WDR72: variants seen among roughly 807,000 people sequenced by gnomAD.
The protein encoded by WDR72 is WD repeat domain 72, also known as WD repeat-containing protein 72.
Under a neutral mutation model 124.2 loss-of-function variants are expected in WDR72, and 120 were observed. The ratio of observed to expected loss-of-function variants is 0.97; its 90% CI spans 0.83 to 1.12. The LOEUF is 1.12. Ranked by LOEUF, WDR72 falls within the 50% of genes most tolerant of loss-of-function variation. The probability of loss-of-function intolerance (pLI) is 0.00; values close to 1 mark genes in which losing one functional copy is unlikely to be tolerated. For missense variants in WDR72, 1,387 were observed against 1,278.8 expected, an observed-to-expected ratio of 1.08 and a Z score of -1.29; for synonymous variants, 452 against 441.7, an observed-to-expected ratio of 1.02 and a Z score of -0.29.
intron 17 of WDR72, among the ~76,000 whole-genome samples, chr15:53,606,709 C>A (rs972008512): frequency 1.3e-5 from 2 of 151,986 alleles, no homozygotes; most frequent in Non-Finnish European, 2.9e-5. Context: ...TAAGCAAAGA[C>A]CTAAATGATT....
chr15:53,743,559 T>C lies in WDR72; in HGVS notation c.-12-10398A>G, dbSNP rs186688109. The stretch of plus-strand genomic sequence containing the variant: ...GCGAATGATTTTTAGCCATTCGAAA[T>C]ATAGGAAGTTCATGAATATTTTTAC... On this transcript the variant is annotated intron_variant, in intron 1 of 19. Transcript: ENST00000360509. Among the ~76,000 whole-genome samples, 24 of 152,296 alleles carry C rather than the reference T, an allele frequency of 1.6e-4. 1 individual carries two copies. The highest frequency in any genetic ancestry group is 5.1e-4 in the African/African-American group (21 of 41,570).
intron 1 of WDR72, among the ~76,000 whole-genome samples, chr15:53,759,007 A>AG (rs1212493967): frequency 3.3e-5 from 5 of 151,856 alleles, no homozygotes; most frequent in African/African-American, 4.8e-5. Context: ...CAACCTTACA[A>AG]GGGGCAAAAG....
intron 14 of WDR72, among the ~76,000 whole-genome samples, chr15:53,649,273 CAG>C (rs2015149267): frequency 6.6e-6 from 1 of 152,062 alleles, no homozygotes; most frequent in Non-Finnish European, 1.5e-5. Context: ...GTAGGTGTAC[CAG>C]AGACTGTATG....
At chr15:53,731,380 A>T (rs1382609802) in intron 2 of WDR72, among the ~76,000 whole-genome samples, 5 of 151,744 alleles carry the variant, frequency 3.3e-5, no homozygotes, top group African/African-American at 1.2e-4. Context: ...TTCCCAGCCC[A>T]TATCTCTATC....
chr15:53,530,712 C>T (rs555121739), intron 18 of WDR72, among the ~76,000 whole-genome samples: 15 of 152,130 alleles, frequency 9.9e-5, no homozygotes, highest in Admixed American at 9.2e-4. Context: ...AAAAGAGCAT[C>T]ATGCTAGCAT....
At chr15:53,613,984 T>C (rs1276652871) in intron 15 of WDR72, among the ~76,000 whole-genome samples, 6 of 152,064 alleles carry the variant, frequency 3.9e-5, no homozygotes, top group Non-Finnish European at 8.8e-5. Flanking sequence ...CCTAAAATCT[T>C]AATCCCAATT....
intron 14 of WDR72, among the ~76,000 whole-genome samples, chr15:53,634,934 A>T (rs959348613): frequency 3.9e-5 from 6 of 152,210 alleles, no homozygotes; most frequent in Non-Finnish European, 5.9e-5. Flanking sequence ...TTTTCCTGTC[A>T]GGGAGGTCCA....
chr15:53,719,089 A>G (rs557470341), intron 3 of WDR72, among the ~76,000 whole-genome samples: 1 of 152,070 alleles, frequency 6.6e-6, no homozygotes, highest in African/African-American at 2.4e-5. Context: ...GAAATATATT[A>G]TTTTCTCTTG....
rs79237993 is a variant in WDR72 at position 53,755,252 on chromosome 15, G to T, written c.-13+4381C>A. Among the ~76,000 whole-genome samples the T allele has an allele frequency of 2.1e-3, 318 of 152,308 alleles. 5 individuals carry two copies. The highest frequency in any genetic ancestry group is 4.4e-3 in the East Asian group (23 of 5,190). Reference sequence around the variant, plus strand: ...AATTGGAAATCAAAATGCATATAAAGAAGATACTTTAAATGCTTACATCCC... The same window carrying T: ...AATTGGAAATCAAAATGCATATAAATAAGATACTTTAAATGCTTACATCCC... On this transcript the variant is annotated intron_variant, in intron 1 of 19. Transcript: ENST00000360509.
chr15:53,719,314 G>T (rs778437701), intron 3 of WDR72, among the ~76,000 whole-genome samples: 6 of 151,768 alleles, frequency 4.0e-5, no homozygotes, highest in Non-Finnish European at 7.4e-5. Context: ...TCCTCTGTCT[G>T]CTTCTTAAGT....
chr15:53,597,865 A>G (rs2012852300), intron 17 of WDR72, among the ~76,000 whole-genome samples: 1 of 152,130 alleles, frequency 6.6e-6, no homozygotes, highest in East Asian at 1.9e-4. Context: ...GGCGGGGGGA[A>G]AGGGACACTT....
intron 14 of WDR72, among the ~76,000 whole-genome samples, chr15:53,659,352 G>C (rs2140440617): frequency 1.3e-5 from 2 of 152,198 alleles, no homozygotes; most frequent in Middle Eastern, 3.4e-3. Context: ...CTCCCCACCG[G>C]CACGTGCTGC....
intron 13 of WDR72, among the ~76,000 whole-genome samples, chr15:53,698,292 G>C (rs2017067115): frequency 1.3e-5 from 2 of 152,158 alleles, no homozygotes; most frequent in South Asian, 4.1e-4. Context: ...TATTCTTGCT[G>C]GATTCTATCA....
chr15:53,572,722 G>C (rs1239161560), intron 18 of WDR72, among the ~76,000 whole-genome samples: 1 of 152,182 alleles, frequency 6.6e-6, no homozygotes, highest in Admixed American at 6.6e-5. Flanking sequence ...GAAATGGCGA[G>C]AATTGCAGCC....
chr15:53,677,856 A>G (rs2016230106), intron 13 of WDR72, among the ~76,000 whole-genome samples: 1 of 152,204 alleles, frequency 6.6e-6, no homozygotes, highest in African/African-American at 2.4e-5. Context: ...GCCATTATCT[A>G]CCACTAATTG....
chr15:53,580,665 G>C (rs116785757), intron 18 of WDR72, among the ~76,000 whole-genome samples: 1 of 151,812 alleles, frequency 6.6e-6, no homozygotes, highest in Non-Finnish European at 1.5e-5. Context: ...CTTGAGCCTT[G>C]AAACAGGCAG....
chr15:53,604,970 C>T (rs571832572), intron 17 of WDR72, among the ~76,000 whole-genome samples: 6 of 152,198 alleles, frequency 3.9e-5, no homozygotes, highest in Non-Finnish European at 8.8e-5. Context: ...CCACTCAACC[C>T]AACAATCCCA....
At chr15:53,587,483 T>C (rs1349328125) in intron 18 of WDR72, among the ~76,000 whole-genome samples, 1 of 152,032 alleles carries the variant, frequency 6.6e-6, no homozygotes, top group Admixed American at 6.6e-5. Context: ...AGTGTAGTCA[T>C]GCCCAGGATT....
intron 18 of WDR72, among the ~76,000 whole-genome samples, chr15:53,563,993 T>C (rs955315441): frequency 1.3e-5 from 2 of 151,876 alleles, no homozygotes; most frequent in African/African-American, 2.4e-5. Flanking sequence ...GCCAACTTGA[T>C]GTATAAGTGA....
Sources: allele counts gnomAD v4.1 joint callset (sites outside exome capture counted in the v4.1 genomes callset), GRCh38; gene constraint gnomAD v4.1.1; transcripts MANE v1.5; gene names NCBI Gene and HGNC (gene_info 2026-07-23, HGNC 2026-07-21).